LINGO2: variants seen among roughly 807,000 people sequenced by gnomAD.
The protein encoded by LINGO2 is leucine rich repeat and Ig domain containing 2.
LINGO2 carries 14 observed loss-of-function variants against 30.6 expected under a neutral mutation model. The observed-to-expected ratio is 0.46, with a 90% CI of 0.30 to 0.72. The LOEUF (loss-of-function observed/expected upper bound fraction) is 0.72, where lower values mean the gene tolerates loss of function less well. Ranked by LOEUF, LINGO2 falls within the 30% of genes least tolerant of loss-of-function variation. LINGO2 has a pLI of 0.07. For synonymous variants in LINGO2, 317 were observed against 288.5 expected (o/e 1.10, Z -1.00); for missense variants, 729 against 751.7 (o/e 0.97, Z 0.35).
chr9:28,396,364 G>A (rs1822039897), intron 2 of LINGO2, among the ~76,000 whole-genome samples: 1 of 152,054 alleles, frequency 6.6e-6, no homozygotes, highest in African/African-American at 2.4e-5. Flanking sequence ...ACTATTTTAT[G>A]TGTGATACTT....
intron 2 of LINGO2, among the ~76,000 whole-genome samples, chr9:28,394,413 C>CT (rs1221675358): frequency 1.3e-5 from 2 of 152,238 alleles, no homozygotes; most frequent in East Asian, 3.9e-4. Context: ...GCCTTTTCCT[C>CT]TTTTTTCCCC....
intron 2 of LINGO2, among the ~76,000 whole-genome samples, chr9:28,438,464 C>CT (rs1824044394): frequency 6.6e-6 from 1 of 152,104 alleles, no homozygotes; most frequent in Non-Finnish European, 1.5e-5. Context: ...GGTTGTGGGA[C>CT]TTAGATAAGT....
intron 2 of LINGO2, among the ~76,000 whole-genome samples, chr9:28,381,276 A>T (rs892166267): frequency 6.6e-6 from 1 of 152,128 alleles, no homozygotes; most frequent in African/African-American, 2.4e-5. Context: ...TAACATGGTC[A>T]AACATGGTAG....
downstream of LINGO2, among the ~76,000 whole-genome samples, chr9:27,944,828 T>G (rs567203572): frequency 6.6e-6 from 1 of 152,222 alleles, no homozygotes; most frequent in African/African-American, 2.4e-5. Context: ...CCATTTGGGA[T>G]AGCTCATGTG....
the LINGO2 span, among the ~76,000 whole-genome samples, chr9:28,765,291 A>G: frequency 6.6e-6 from 1 of 152,114 alleles, no homozygotes; most frequent in Non-Finnish European, 1.5e-5. Context: ...TTCTACTAGT[A>G]TTAAAACAGA....
chr9:28,674,954 C>T (rs562937164), upstream of LINGO2, among the ~76,000 whole-genome samples: 6 of 152,104 alleles, frequency 3.9e-5, no homozygotes, highest in Admixed American at 2.0e-4. Context: ...TGGGGAAAGA[C>T]GGTCTCTCAT....
the LINGO2 span, among the ~76,000 whole-genome samples, chr9:28,867,725 G>C: frequency 6.6e-6 from 1 of 152,092 alleles, no homozygotes; most frequent in Non-Finnish European, 1.5e-5. Context: ...AGTGTAATCT[G>C]TCCAAGGTTA....
intron 4 of LINGO2, among the ~76,000 whole-genome samples, chr9:28,139,526 A>G (rs1827615955): frequency 6.6e-6 from 1 of 152,226 alleles, no homozygotes; most frequent in Non-Finnish European, 1.5e-5. Context: ...AGAAATGTAG[A>G]TTTTAATTAA....
chr9:28,674,669 T>G (rs1212653868), upstream of LINGO2, among the ~76,000 whole-genome samples: 1 of 152,174 alleles, frequency 6.6e-6, no homozygotes, highest in Non-Finnish European at 1.5e-5. Flanking sequence ...CAAAAGGAAA[T>G]GAATCCTCTA....
chr9:28,054,009 G>GTA (rs1365091999), intron 4 of LINGO2, among the ~76,000 whole-genome samples: 1 of 151,768 alleles, frequency 6.6e-6, no homozygotes, highest in Non-Finnish European at 1.5e-5. Context: ...TCGAGGGCCT[G>GTA]TATATATGCA....
At chr9:28,023,279 C>T (rs1823222816) in intron 4 of LINGO2, among the ~76,000 whole-genome samples, 1 of 152,056 alleles carries the variant, frequency 6.6e-6, no homozygotes, top group South Asian at 2.1e-4. Flanking sequence ...GTAAATGTAC[C>T]TTAACCCATA....
At chr9:27,949,027 A>C in exon 6 of LINGO2, 2 of 1,614,174 alleles carry the variant, frequency 1.2e-6, no homozygotes, top group Non-Finnish European at 1.7e-6. Context: ...AATGTGAAGC[A>C]GCCCATAGCT....
At chr9:29,111,139 A>C in the LINGO2 span, among the ~76,000 whole-genome samples, 1 of 152,210 alleles carries the variant, frequency 6.6e-6, no homozygotes, top group African/African-American at 2.4e-5. Flanking sequence ...TTTTTTAAAA[A>C]ATCACTGTAT....
chr9:28,990,113 G>A, the LINGO2 span, among the ~76,000 whole-genome samples: 2 of 152,334 alleles, frequency 1.3e-5, no homozygotes, highest in South Asian at 4.1e-4. Context: ...GGAAGCGCAA[G>A]GGGTCAGGGA....
chr9:28,387,271 C>G (rs1287528577), intron 2 of LINGO2, among the ~76,000 whole-genome samples: 1 of 151,952 alleles, frequency 6.6e-6, no homozygotes, highest in Non-Finnish European at 1.5e-5. Flanking sequence ...CCAATTGGCA[C>G]TCTGTGTCTA....
intron 4 of LINGO2, among the ~76,000 whole-genome samples, chr9:28,090,924 A>G (rs1826062831): frequency 6.6e-6 from 1 of 152,136 alleles, no homozygotes. Flanking sequence ...CCAATAACAG[A>G]CAAACAGAGA....
the LINGO2 span, among the ~76,000 whole-genome samples, chr9:28,814,765 G>A: frequency 6.6e-6 from 1 of 151,946 alleles, no homozygotes; most frequent in Non-Finnish European, 1.5e-5. Context: ...GCAGGCACCT[G>A]TAATTCCAGC....
chr9:27,959,808 C>T (rs1177988586), intron 5 of LINGO2, among the ~76,000 whole-genome samples: 1 of 152,072 alleles, frequency 6.6e-6, no homozygotes, highest in Admixed American at 6.6e-5. Context: ...TGTTGTTCAG[C>T]TCTTCTAAAT....
At chr9:28,950,047 C>T in the LINGO2 span, among the ~76,000 whole-genome samples, 4 of 151,976 alleles carry the variant, frequency 2.6e-5, no homozygotes, top group Non-Finnish European at 5.9e-5. Context: ...TTATCCACCA[C>T]AAACAAGTTG....
Sources: allele counts gnomAD v4.1 joint callset (sites outside exome capture counted in the v4.1 genomes callset), GRCh38; gene constraint gnomAD v4.1.1; transcripts MANE v1.5; gene names NCBI Gene and HGNC (gene_info 2026-07-23, HGNC 2026-07-21).